MELK: variants seen among roughly 807,000 people sequenced by gnomAD.
MELK encodes the protein pEg3 kinase.
MELK carries 81 observed loss-of-function variants against 85.0 expected under a neutral mutation model. The ratio of observed to expected loss-of-function variants is 0.95; its 90% CI spans 0.80 to 1.15. MELK has a LOEUF of 1.15. Among genes scored for constraint, MELK ranks in the 50% most tolerant of loss-of-function variants. The pLI, the probability that MELK is intolerant of heterozygous loss-of-function variation, is 0.00. For synonymous variants in MELK, 252 were observed against 265.0 expected (o/e 0.95, Z 0.48); for missense variants, 754 against 777.5 (o/e 0.97, Z 0.36).
intron 5 of MELK, 67 bp downstream of exon 5, chr9:36,594,838 A>G: frequency 6.5e-7 from 1 of 1,530,922 alleles, no homozygotes; most frequent in Non-Finnish European, 8.9e-7. Context: ...TTAGGTTTAC[A>G]AATGATCTGA....
chr9:36,642,418 CTTTTTTTTTTTTTT>C (rs34671966), intron 10 of MELK, among the ~76,000 whole-genome samples: 2 of 84,774 alleles, frequency 2.4e-5, no homozygotes, highest in African/African-American at 5.1e-5. Flanking sequence ...TACAACAGAA[CTTTTTTTTTTTTTT>C]TTTTTTTTTT....
chr9:36,594,694 CGGGTT>C lies in MELK; in HGVS notation c.330_334del (p.Val111LeufsTer29). On this transcript the variant is annotated frameshift_variant, in exon 5 of 18. Coordinates refer to ENST00000298048, the MANE Select transcript of MELK (RefSeq NM_014791.4). LOFTEE classifies it high-confidence loss of function. ...GGATCGCCTGTCAGAAGAGGAGACCCGGGTTGTCTTCCGTCAGATAGTATCTGCTG... is the reference window on the plus strand; with the variant it reads ...GGATCGCCTGTCAGAAGAGGAGACCCGTCTTCCGTCAGATAGTATCTGCTG... 1 of 1,614,032 alleles carries C rather than the reference CGGGTT, an allele frequency of 6.2e-7. No homozygotes were observed. Among genetic ancestry groups the C allele is most frequent in the Non-Finnish European group, 8.5e-7 (1 of 1,179,986 alleles).
At chr9:36,667,236 A>G (rs1418602018) in intron 14 of MELK, among the ~76,000 whole-genome samples, 1 of 151,150 alleles carries the variant, frequency 6.6e-6, no homozygotes, top group Non-Finnish European at 1.5e-5. Flanking sequence ...GCTCACTGCA[A>G]CCTCTGCCTC....
intron 11 of MELK, among the ~76,000 whole-genome samples, chr9:36,644,520 A>G (rs1431811613): frequency 6.6e-6 from 1 of 152,216 alleles, no homozygotes; most frequent in Non-Finnish European, 1.5e-5. Flanking sequence ...TGTATCTGGA[A>G]ATGGTAGTAT....
intron 3 of MELK, among the ~76,000 whole-genome samples, chr9:36,588,571 G>T (rs1437436833): frequency 2.0e-5 from 3 of 148,040 alleles, no homozygotes; most frequent in Non-Finnish European, 4.5e-5. Context: ...TAGAGATGGG[G>T]TTTCTCCATG....
chr9:36,625,123 T>A (rs1827809298), intron 8 of MELK, among the ~76,000 whole-genome samples: 1 of 152,080 alleles, frequency 6.6e-6, no homozygotes, highest in Admixed American at 6.6e-5. Flanking sequence ...CAAACGGCTT[T>A]GCAAACAGCA....
In MELK at chr9:36,607,683, A is replaced by G. The variant is rs1410144414; in HGVS notation, c.666+10A>G. 3.2e-6 allele frequency: 5 copies of G among 1,548,412 alleles called. No individual in the cohort carries two copies. Among genetic ancestry groups the G allele is most frequent in the Non-Finnish European group, 3.6e-6 (4 of 1,120,966 alleles). On this transcript the variant is annotated intron_variant, in intron 8 of 17. Coordinates refer to ENST00000298048, the MANE Select transcript of MELK (RefSeq NM_014791.4). ...ATACAAGAAGATTATGGTGAGTATT[A>G]CAAGGCATAGAATTTCAATGTAGAA...
chr9:36,606,722 C>T (rs1004633660), intron 7 of MELK: 3 of 146,804 alleles, frequency 2.0e-5, no homozygotes, highest in African/African-American at 7.4e-5. Flanking sequence ...GACATGCATG[C>T]ATATATATGT....
At chr9:36,629,076 A>C (rs1199368891) in intron 8 of MELK, among the ~76,000 whole-genome samples, 1 of 151,748 alleles carries the variant, frequency 6.6e-6, no homozygotes, top group Admixed American at 6.6e-5. Flanking sequence ...TGTGTCAGCC[A>C]GGATGGTCTT....
chr9:36,649,341 G>A (rs1185909335), intron 11 of MELK, among the ~76,000 whole-genome samples: 2 of 151,984 alleles, frequency 1.3e-5, no homozygotes, highest in African/African-American at 4.8e-5. Flanking sequence ...AAAAAAAATA[G>A]CCGGGTGTGG....
intron 5 of MELK, among the ~76,000 whole-genome samples, chr9:36,596,582 T>C (rs1479171797): frequency 1.8e-4 from 18 of 98,588 alleles, no homozygotes; most frequent in Non-Finnish European, 2.7e-4. Flanking sequence ...GTTTTTTTTG[T>C]TTTTTTTGTT....
intron 8 of MELK, among the ~76,000 whole-genome samples, chr9:36,608,919 A>C (rs1825826605): frequency 6.6e-6 from 1 of 152,226 alleles, no homozygotes; most frequent in African/African-American, 2.4e-5. Context: ...TTCTTCAATG[A>C]AAAGCTTAAC....
At chr9:36,640,280 A>G (rs1215565376) in intron 10 of MELK, among the ~76,000 whole-genome samples, 1 of 152,090 alleles carries the variant, frequency 6.6e-6, no homozygotes, top group African/African-American at 2.4e-5. Context: ...AGAGTTCTGG[A>G]GAGTAAAAAT....
At chr9:36,654,349 C>CTTTTTT (rs34436735) in intron 12 of MELK, among the ~76,000 whole-genome samples, 20 of 84,148 alleles carry the variant, frequency 2.4e-4, no homozygotes, top group Non-Finnish European at 3.0e-4. Flanking sequence ...ATTGGATTGT[C>CTTTTTT]TTTTTTTTTT....
intron 11 of MELK, among the ~76,000 whole-genome samples, chr9:36,645,085 G>A (rs1380653861): frequency 6.6e-6 from 1 of 151,584 alleles, no homozygotes; most frequent in Non-Finnish European, 1.5e-5. Context: ...TGGTGAAACC[G>A]CGTTTCTACT....
intron 11 of MELK, among the ~76,000 whole-genome samples, chr9:36,647,435 C>A (rs1472639859): frequency 6.6e-6 from 1 of 151,806 alleles, no homozygotes; most frequent in Admixed American, 6.6e-5. Context: ...TTCCACCCCA[C>A]CATAGTTTCC....
intron 12 of MELK, among the ~76,000 whole-genome samples, chr9:36,656,951 T>C (rs1831309702): frequency 6.6e-6 from 1 of 152,210 alleles, no homozygotes; most frequent in Non-Finnish European, 1.5e-5. Context: ...GATACATAAA[T>C]ACTTATTGTT....
intron 10 of MELK, among the ~76,000 whole-genome samples, chr9:36,636,327 A>C (rs1285942629): frequency 1.3e-5 from 2 of 151,660 alleles, no homozygotes; most frequent in Admixed American, 1.3e-4. Context: ...AACATGGAGA[A>C]ACCCGTTTCT....
At chr9:36,624,096 T>C in intron 8 of MELK, among the ~76,000 whole-genome samples, 1 of 150,872 alleles carries the variant, frequency 6.6e-6, no homozygotes, top group East Asian at 1.9e-4. Context: ...TTTTTTTTTT[T>C]TTTTTGAGAT....
Sources: gnomAD v4.1 joint callset for allele counts (sites outside exome capture counted in the v4.1 genomes callset) on GRCh38, gnomAD v4.1.1 for gene constraint, MANE v1.5 for transcripts, NCBI Gene and HGNC (gene_info 2026-07-23, HGNC 2026-07-21) for gene names.